MCU: variants seen among roughly 807,000 people sequenced by gnomAD.
The protein encoded by MCU is calcium uniporter protein, mitochondrial.
A neutral mutation model predicts 45.2 loss-of-function variants in MCU; 12 were observed. That is an observed-to-expected ratio of 0.27 (90% CI 0.17 to 0.43). The LOEUF (loss-of-function observed/expected upper bound fraction) is 0.43, where lower values mean the gene tolerates loss of function less well. MCU is among the 20% of genes least tolerant of loss of function. The pLI, the probability that MCU is intolerant of heterozygous loss-of-function variation, is 1.00. For missense variants in MCU, 324 were observed against 436.7 expected (o/e 0.74, Z 2.30); for synonymous variants, 160 against 165.1 (o/e 0.97, Z 0.24).
At position 72,795,034 on chromosome 10, in the gene MCU, C is replaced by T. The variant is rs1235923295; in HGVS notation, c.151-39325C>T. ...GTTATTTATATTTTCTTAAAATTTTCCTTGAAAATGAGTTTTTAAAATTTA... is the reference window on the plus strand; with the variant it reads ...GTTATTTATATTTTCTTAAAATTTTTCTTGAAAATGAGTTTTTAAAATTTA... On this transcript the variant is annotated intron_variant, in intron 1 of 7. Coordinates refer to ENST00000373053, the MANE Select transcript of MCU (RefSeq NM_138357.3). Among the ~76,000 whole-genome samples, 5 of 152,036 alleles carry T rather than the reference C, an allele frequency of 3.3e-5. No individual in the cohort carries two copies. The East Asian group carries it at 7.7e-4, about 23-fold the overall frequency.
At chr10:72,759,729 C>T (rs1437961848) in intron 1 of MCU, among the ~76,000 whole-genome samples, 4 of 152,036 alleles carry the variant, frequency 2.6e-5, no homozygotes, top group African/African-American at 7.2e-5. Flanking sequence ...GAGATAGTGG[C>T]CTGGGAGGAA....
At chr10:72,765,086 T>TAAACA (rs1843706207) in intron 1 of MCU, among the ~76,000 whole-genome samples, 6 of 123,512 alleles carry the variant, frequency 4.9e-5, no homozygotes, top group Non-Finnish European at 8.7e-5. Flanking sequence ...CCCCATCTCT[T>TAAACA]AAAAAAAAAA....
In MCU at chr10:72,886,843, G is replaced by A. The variant is rs1403424208; in HGVS notation, c.*1021G>A. 6.6e-6 allele frequency: 1 copy of A among 152,290 alleles called. No homozygotes were observed. Among genetic ancestry groups the A allele is most frequent in the Non-Finnish European group, 1.5e-5 (1 of 68,030 alleles). The allele number at this position is 152,290 out of a possible 1,614,324, so 9.4% of individuals were successfully genotyped here. ...GGACACACACTTCCACACTGTTTGT[G>A]AGCCCTCCCACCTCCACAACTTCAG... On this transcript the variant is annotated 3_prime_UTR_variant, in exon 8 of 8. Transcript: ENST00000373053.
intron 1 of MCU, among the ~76,000 whole-genome samples, chr10:72,735,347 T>C (rs1202002952): frequency 2.0e-5 from 3 of 152,108 alleles, no homozygotes. Context: ...CATTGATAAG[T>C]GCAAAATCCC....
chr10:72,805,105 T>TTCTTTC (rs1564562250), intron 1 of MCU, among the ~76,000 whole-genome samples: 8 of 91,522 alleles, frequency 8.7e-5, no homozygotes, highest in African/African-American at 4.0e-4. Context: ...TTCTTTCTCT[T>TTCTTTC]TCTTTCTTTC....
intron 6 of MCU, among the ~76,000 whole-genome samples, chr10:72,880,998 G>T (rs142967911): frequency 6.6e-6 from 1 of 152,052 alleles, no homozygotes; most frequent in Non-Finnish European, 1.5e-5. Context: ...GTGTGGTGTC[G>T]TGCACCTGTA....
At chr10:72,790,719 A>G (rs1844145835) in intron 1 of MCU, among the ~76,000 whole-genome samples, 3 of 152,210 alleles carry the variant, frequency 2.0e-5, no homozygotes, top group Non-Finnish European at 4.4e-5. Flanking sequence ...GGCTGGTGCT[A>G]CATAATAAAA....
chr10:72,820,477 G>A (rs113736510), intron 1 of MCU, among the ~76,000 whole-genome samples: 2 of 151,258 alleles, frequency 1.3e-5, no homozygotes, highest in African/African-American at 2.4e-5. Flanking sequence ...AGAAACACAG[G>A]TGCCCTTCTG....
rs1180178653 is a variant in MCU, at chr10:72,859,360, T to C, written c.391+13T>C. The C allele has an allele frequency of 6.3e-7, 1 of 1,597,352 alleles. No homozygotes were observed. The highest frequency in any genetic ancestry group is 8.5e-7 in the Non-Finnish European group (1 of 1,170,758). On this transcript the variant is annotated intron_variant, in intron 3 of 7. Coordinates refer to ENST00000373053, the MANE Select transcript of MCU (RefSeq NM_138357.3). ...ATCTATTCACCAGGTATAGTCACCA[T>C]CATTATTAATTACCATCTATCCCTC...
intron 1 of MCU, among the ~76,000 whole-genome samples, chr10:72,803,095 A>G (rs1220564176): frequency 3.3e-5 from 5 of 152,332 alleles, no homozygotes; most frequent in African/African-American, 1.2e-4. Context: ...TTAAAACAGA[A>G]TAATTTTCAG....
chr10:72,705,281 A>G (rs1030504896), intron 1 of MCU, among the ~76,000 whole-genome samples: 1 of 152,226 alleles, frequency 6.6e-6, no homozygotes, highest in African/African-American at 2.4e-5. Context: ...TTTAAAATTT[A>G]TATATCAAAA....
At position 72,885,921 on chromosome 10, in the gene MCU, C is replaced by G. The variant is rs1490517951; in HGVS notation, c.*99C>G. 5 of 848,822 alleles carry G rather than the reference C, an allele frequency of 5.9e-6. No homozygotes were observed. The highest frequency in any genetic ancestry group is 1.7e-5 in the African/African-American group (1 of 58,244). 52.6% of individuals were successfully genotyped at this position (848,822 alleles called of 1,614,324 possible). Reference sequence around the variant, plus strand: ...GCTGGGAGCCATGTGGGGGGTAGAGCGTTTTTACCTTTAATTATAAAACAA... The same window carrying G: ...GCTGGGAGCCATGTGGGGGGTAGAGGGTTTTTACCTTTAATTATAAAACAA... On this transcript the variant is annotated 3_prime_UTR_variant, in exon 8 of 8. Coordinates refer to ENST00000373053, the MANE Select transcript of MCU (RefSeq NM_138357.3).
At chr10:72,832,340 A>G (rs1050011538) in intron 1 of MCU, among the ~76,000 whole-genome samples, 3 of 152,234 alleles carry the variant, frequency 2.0e-5, no homozygotes, top group Non-Finnish European at 2.9e-5. Context: ...TAATTCTCCT[A>G]TTAAAACATT....
intron 1 of MCU, among the ~76,000 whole-genome samples, chr10:72,747,396 T>C (rs1480751605): frequency 6.6e-6 from 1 of 152,224 alleles, no homozygotes; most frequent in Non-Finnish European, 1.5e-5. Flanking sequence ...TTAAAAAATA[T>C]GTTAAAGAAT....
intron 1 of MCU, among the ~76,000 whole-genome samples, chr10:72,751,341 C>CTTCTTTTTTTTTTTTTTTTTTTTTTTT (rs1474252109): frequency 2.2e-5 from 1 of 44,740 alleles, no homozygotes; most frequent in African/African-American, 8.4e-5. Flanking sequence ...TCTTCTTCTT[C>CTTCTTTTTTTTTTTTTTTTTTTTTTTT]TTTTTTTTTT....
intron 1 of MCU, among the ~76,000 whole-genome samples, chr10:72,786,049 T>G (rs1272388302): frequency 6.6e-6 from 1 of 152,224 alleles, no homozygotes; most frequent in Non-Finnish European, 1.5e-5. Flanking sequence ...AACGGTATTA[T>G]GCTGTGCAAT....
At chr10:72,711,784 TC>T (rs1479039807) in intron 1 of MCU, among the ~76,000 whole-genome samples, 4 of 149,736 alleles carry the variant, frequency 2.7e-5, no homozygotes, top group Non-Finnish European at 5.9e-5. Context: ...CAATCTCCAT[TC>T]ACTGTAAGCT....
At chr10:72,692,955 C>T (rs1456968265) in intron 1 of MCU, 4 of 1,533,998 alleles carry the variant, frequency 2.6e-6, no homozygotes, top group Admixed American at 3.9e-5. Flanking sequence ...GCTTCATCCT[C>T]TTGGGTCCTT....
At chr10:72,751,465 G>A (rs566179545) in intron 1 of MCU, among the ~76,000 whole-genome samples, 2 of 132,982 alleles carry the variant, frequency 1.5e-5, no homozygotes, top group African/African-American at 2.8e-5. Flanking sequence ...AGTGATTTTC[G>A]TGCCTCAGCC....
Sources: gnomAD v4.1 joint callset for allele counts (sites outside exome capture counted in the v4.1 genomes callset) on GRCh38, gnomAD v4.1.1 for gene constraint, MANE v1.5 for transcripts, NCBI Gene and HGNC (gene_info 2026-07-23, HGNC 2026-07-21) for gene names.